Variants in TCF12 observed in about 807,000 individuals in gnomAD.
The protein encoded by TCF12 is transcription factor 12.
In TCF12, 45 loss-of-function variants were observed where a neutral mutation model predicts 86.0. The ratio of observed to expected loss-of-function variants is 0.52; its 90% CI spans 0.41 to 0.67. The LOEUF (loss-of-function observed/expected upper bound fraction) is 0.67, where lower values mean the gene tolerates loss of function less well. Ranked by LOEUF, TCF12 falls within the 30% of genes least tolerant of loss-of-function variation. The pLI, the probability that TCF12 is intolerant of heterozygous loss-of-function variation, is 0.00. For synonymous variants in TCF12, 330 were observed against 299.6 expected, an observed-to-expected ratio of 1.10 and a Z score of -1.05; for missense variants, 881 against 859.9, an observed-to-expected ratio of 1.02 and a Z score of -0.31.
intron 4 of TCF12, among the ~76,000 whole-genome samples, chr15:57,084,236 G>A (rs1362785029): frequency 1.3e-5 from 2 of 152,078 alleles, no homozygotes; most frequent in African/African-American, 2.4e-5. Context: ...TTTAAATTAT[G>A]TAAAATGTGA....
intron 13 of TCF12, chr15:57,247,067 T>G: frequency 1.8e-6 from 1 of 562,226 alleles, no homozygotes; most frequent in Non-Finnish European, 3.4e-6. Context: ...ATTGCTGTTG[T>G]TCACTATAAT....
chr15:57,086,212 G>GATGATAATAATAATAATA lies in TCF12; in HGVS notation c.223-5575_223-5574insGATAATAATAATAATAAT, dbSNP rs1555501430. On this transcript the variant is annotated intron_variant, in intron 4 of 20. Transcript: ENST00000333725. ...CATAATCTCTAACTTGGATGATGATGATAATAATAATAATAATAATAATAA... is the reference window on the plus strand; with the variant it reads ...CATAATCTCTAACTTGGATGATGATGATGATAATAATAATAATAATAATAATAATAATAATAATAATAA... Among the ~76,000 whole-genome samples, 83 of 141,612 alleles carry GATGATAATAATAATAATA rather than the reference G, an allele frequency of 5.9e-4. 1 individual carries two copies. Among genetic ancestry groups the GATGATAATAATAATAATA allele is most frequent in the Middle Eastern group, 7.3e-3 (2 of 274 alleles). The allele number at this position is 141,612 out of a possible 152,430, so 92.9% of individuals were successfully genotyped here.
chr15:57,004,046 GT>G (rs1180050037), intron 3 of TCF12, among the ~76,000 whole-genome samples: 2 of 149,974 alleles, frequency 1.3e-5, no homozygotes, highest in Admixed American at 6.6e-5. Context: ...ATTGGTTTTT[GT>G]TTTTTTTTCC....
At chr15:56,936,489 A>G (rs533910338) in intron 3 of TCF12, among the ~76,000 whole-genome samples, 1 of 151,904 alleles carries the variant, frequency 6.6e-6, no homozygotes, top group African/African-American at 2.4e-5. Flanking sequence ...TTTAATTAAG[A>G]GCTACCTCTT....
intron 4 of TCF12, among the ~76,000 whole-genome samples, chr15:57,066,335 T>C (rs1034212548): frequency 1.3e-5 from 2 of 152,174 alleles, no homozygotes; most frequent in Admixed American, 6.5e-5. Context: ...AATTCTTATT[T>C]AAGTACATTG....
At chr15:57,261,578 G>GAC (rs2060585970) in intron 16 of TCF12, among the ~76,000 whole-genome samples, 1 of 152,058 alleles carries the variant, frequency 6.6e-6, no homozygotes, top group Non-Finnish European at 1.5e-5. Flanking sequence ...TCTTCTAGTT[G>GAC]ACACGTCTGC....
At chr15:56,941,496 C>T (rs946162209) in intron 3 of TCF12, among the ~76,000 whole-genome samples, 1 of 151,860 alleles carries the variant, frequency 6.6e-6, no homozygotes, top group Admixed American at 6.6e-5. Flanking sequence ...CCTCAGCTTC[C>T]TGAGTAGCTG....
intron 5 of TCF12, among the ~76,000 whole-genome samples, chr15:57,143,295 A>T (rs2053123442): frequency 6.6e-6 from 1 of 152,170 alleles, no homozygotes; most frequent in Non-Finnish European, 1.5e-5. Flanking sequence ...TAATTAGATG[A>T]TTCTGATGGT....
At chr15:57,160,110 CTG>C (rs1478062235) in intron 5 of TCF12, among the ~76,000 whole-genome samples, 1 of 152,194 alleles carries the variant, frequency 6.6e-6, no homozygotes. Context: ...CAGAGTGAAA[CTG>C]AACACCATTC....
intron 3 of TCF12, among the ~76,000 whole-genome samples, chr15:57,000,970 T>C (rs896751791): frequency 2.0e-5 from 3 of 151,798 alleles, no homozygotes. Flanking sequence ...TCTGTAATTA[T>C]TCTAGTGCTT....
chr15:57,231,280 C>T, intron 9 of TCF12, 23 bp downstream of exon 9: 1 of 1,472,534 alleles, frequency 6.8e-7, no homozygotes. Context: ...AAACAATTGC[C>T]AAATACTACT....
chr15:57,184,419 G>A (rs1232021395), intron 6 of TCF12, among the ~76,000 whole-genome samples: 5 of 152,260 alleles, frequency 3.3e-5, no homozygotes, highest in African/African-American at 7.2e-5. Context: ...GAATGTTAGT[G>A]TAAGGGACAC....
At chr15:56,947,735 G>A (rs181223722) in intron 3 of TCF12, among the ~76,000 whole-genome samples, 1 of 152,300 alleles carries the variant, frequency 6.6e-6, no homozygotes, top group East Asian at 1.9e-4. Flanking sequence ...AGGTAAATAT[G>A]GTTAACAGAA....
intron 3 of TCF12, among the ~76,000 whole-genome samples, chr15:56,938,265 A>T (rs1351721016): frequency 1.3e-5 from 2 of 150,704 alleles, no homozygotes; most frequent in African/African-American, 2.4e-5. Flanking sequence ...GGTTCAAGTG[A>T]TTGTCTTGCC....
chr15:57,216,981 C>A (rs1432879245), intron 8 of TCF12, among the ~76,000 whole-genome samples: 1 of 152,026 alleles, frequency 6.6e-6, no homozygotes, highest in Admixed American at 6.6e-5. Flanking sequence ...ATTATAGATA[C>A]AGGCATAGAG....
intron 3 of TCF12, among the ~76,000 whole-genome samples, chr15:56,985,004 C>T (rs1185275857): frequency 6.6e-6 from 1 of 152,150 alleles, no homozygotes; most frequent in African/African-American, 2.4e-5. Context: ...ATTATAGCAA[C>T]TAAAAGTCAG....
chr15:56,959,011 A>T (rs2061625827), intron 3 of TCF12, among the ~76,000 whole-genome samples: 1 of 152,172 alleles, frequency 6.6e-6, no homozygotes, highest in Non-Finnish European at 1.5e-5. Context: ...CAGCAGTGAG[A>T]AATCTCTGGC....
At chr15:57,272,367 C>T (rs1370149660) in intron 18 of TCF12, among the ~76,000 whole-genome samples, 1 of 152,138 alleles carries the variant, frequency 6.6e-6, no homozygotes, top group Admixed American at 6.5e-5. Flanking sequence ...AAAATTGTGT[C>T]ATTTCTCCCA....
At chr15:57,094,580 T>C (rs1199000108) in intron 5 of TCF12, among the ~76,000 whole-genome samples, 3 of 152,004 alleles carry the variant, frequency 2.0e-5, no homozygotes, top group African/African-American at 7.3e-5. Flanking sequence ...TTTAAGGGAG[T>C]TTCTGGCTGA....
Sources: allele counts gnomAD v4.1 joint callset (sites outside exome capture counted in the v4.1 genomes callset), GRCh38; gene constraint gnomAD v4.1.1; transcripts MANE v1.5; gene names NCBI Gene and HGNC (gene_info 2026-07-23, HGNC 2026-07-21).